The following TOB1 variants were observed in gnomAD, a reference collection of about 807,000 sequenced individuals.
TOB1 encodes protein Tob1.
A neutral mutation model predicts 22.9 loss-of-function variants in TOB1; 2 were observed. That is an observed-to-expected ratio of 0.09 (90% CI 0.04 to 0.28). The LOEUF (loss-of-function observed/expected upper bound fraction) is 0.28, where lower values mean the gene tolerates loss of function less well. TOB1 is among the 10% of genes least tolerant of loss of function. The pLI is 1.00. For missense variants in TOB1, 299 were observed against 420.5 expected (o/e 0.71, Z 2.53); for synonymous variants, 154 against 150.6 (o/e 1.02, Z -0.17).
At chr17:50,866,467 C>T (rs1325174716), upstream of TOB1, 1 of 152,300 alleles carries the variant, frequency 6.6e-6, no homozygotes, top group Non-Finnish European at 1.5e-5. Flanking sequence ...GCAGCCATTC[C>T]CCGCGCTCCC....
chr17:50,864,430 A>C (rs1270337715), intron 1 of TOB1, among the ~76,000 whole-genome samples: 2 of 152,188 alleles, frequency 1.3e-5, no homozygotes, highest in African/African-American at 4.8e-5. Context: ...GCTTTTAAAA[A>C]CCTGTTTCTG....
At chr17:50,864,911 A>T (rs1972273282) in intron 1 of TOB1, among the ~76,000 whole-genome samples, 1 of 152,234 alleles carries the variant, frequency 6.6e-6, no homozygotes, top group Non-Finnish European at 1.5e-5. Flanking sequence ...ACAAAAGCAA[A>T]GACACAAATT....
At position 50,863,123 on chromosome 17, in the gene TOB1, T is replaced by A; in HGVS notation, c.895A>T (p.Ser299Cys). ...MFPGDSPLNL[S>C]PLQYSNAFDV... Reference sequence around the variant, plus strand: ...AAGGCATTACTGTACTGGAGAGGACTGAGGTTAAGGGGGCTGTCACCTGGG... The same window carrying A: ...AAGGCATTACTGTACTGGAGAGGACAGAGGTTAAGGGGGCTGTCACCTGGG... Residue 299 changes from serine to cysteine, a missense_variant, in exon 2 of 2, where the codon AGT becomes TGT. Physicochemically the swap from Ser to Cys is moderately radical, Grantham distance 112. Coordinates refer to ENST00000499247, the MANE Select transcript of TOB1 (RefSeq NM_005749.4). 6.2e-7 allele frequency: 1 copy of A among 1,614,198 alleles called. No individual in the cohort carries two copies. Among genetic ancestry groups the A allele is most frequent in the South Asian group, 1.1e-5 (1 of 91,086 alleles).
At chr17:50,865,797 CCA>C (rs1972292977) in intron 1 of TOB1, among the ~76,000 whole-genome samples, 1 of 152,046 alleles carries the variant, frequency 6.6e-6, no homozygotes, top group African/African-American at 2.4e-5. Flanking sequence ...TCCGGGCACC[CCA>C]ACCCCCCAAT....
upstream of TOB1, chr17:50,866,441 A>T (rs1972310335): frequency 6.7e-6 from 1 of 149,986 alleles, no homozygotes; most frequent in African/African-American, 2.5e-5. Context: ...GCTCCGCGTC[A>T]CACAGCTCCG....
In TOB1 at chr17:50,863,819, C is replaced by G. The variant is rs1409847033; in HGVS notation, c.199G>C (p.Val67Leu). ...CTCTCTTTGGATGCTTGTTCAATCA[C>G]TGGGTCCACTTTCTCCCCTATGTGT... ...CIHIGEKVDP[V>L]IEQASKESGL... is the part of the protein sequence containing the mutation. Residue 67 changes from valine to leucine, a missense_variant, in exon 2 of 2, where the codon GTG (valine) becomes CTG (leucine). Physicochemically the swap from Val to Leu is conservative, Grantham distance 32 (BLOSUM62 1). Transcript: ENST00000499247. The G allele has an allele frequency of 1.2e-6, 2 of 1,614,152 alleles. No individual in the cohort carries two copies. The highest frequency in any genetic ancestry group is 1.7e-6 in the Non-Finnish European group (2 of 1,180,026).
chr17:50,864,166 TAAAAC>T lies in TOB1; in HGVS notation c.-146-8_-146-4del, dbSNP rs1248860841. ...CTTCACCTTGAGTGATCTTGTTCCT[TAAAAC>T]AAAAGCAAACATATCCAAATAAGAT... is the stretch of plus-strand genomic sequence containing the variant. On this transcript the variant is annotated splice_polypyrimidine_tract_variant and splice_region_variant and intron_variant, in intron 1 of 1. Transcript: ENST00000499247. 2.2e-6 allele frequency: 3 copies of T among 1,360,478 alleles called. No homozygotes were observed. The highest frequency in any genetic ancestry group is 2.8e-6 in the Non-Finnish European group (3 of 1,054,582). The allele number at this position is 1,360,478 out of a possible 1,614,324, so 84.3% of individuals were successfully genotyped here. A position where few individuals can be genotyped will look rare whatever the true frequency, so the allele number is the denominator to read the frequency against.
In TOB1 at chr17:50,863,976, C is replaced by A. The variant is rs750885548; in HGVS notation, c.42G>T (p.Ser14=). The A allele has an allele frequency of 9.0e-6, 14 of 1,555,596 alleles. 1 individual carries two copies. The highest frequency in any genetic ancestry group is 1.8e-4 in the Middle Eastern group (1 of 5,674). ...EIQVALNFII[S]YLYNKLPRRR... ...TCCTGGGAAGCTTATTGTACAAATA[C>A]GAAATAATAAAATTTAGTGCTACTT... is the stretch of plus-strand genomic sequence containing the variant. Residue 14 remains serine (S), a synonymous_variant, in exon 2 of 2, where the codon TCG becomes TCT. Coordinates refer to ENST00000499247, the MANE Select transcript of TOB1 (RefSeq NM_005749.4).
At chr17:50,865,491 T>C (rs1972283252) in intron 1 of TOB1, among the ~76,000 whole-genome samples, 1 of 151,366 alleles carries the variant, frequency 6.6e-6, no homozygotes, top group Non-Finnish European at 1.5e-5. Flanking sequence ...CAAGAGGAGG[T>C]GGAGGTGGAG....
Position 50,862,977 on chromosome 17 carries a change from T to C in TOB1, c.*3A>G. ...TTAACTTGTACGATACATTTTCTTT[T>C]TTTTAGTTAGCCATAACAGGCTGGA... On this transcript the variant is annotated 3_prime_UTR_variant, in exon 2 of 2. Transcript: ENST00000499247. 1 of 1,596,036 alleles carries C rather than the reference T, an allele frequency of 6.3e-7. No homozygotes were observed. The highest frequency in any genetic ancestry group is 8.5e-7 in the Non-Finnish European group (1 of 1,171,836).
rs1205620624 is a variant in TOB1 at position 50,863,799 on chromosome 17, T to G, written c.219A>C (p.Lys73Asn). The change falls in exon 2 of 2, where the codon AAA becomes AAC. Residue 73 changes from lysine (K) to asparagine (N), a missense_variant. Lys to Asn is a moderately conservative substitution (Grantham distance 94, BLOSUM62 0). Transcript: ENST00000499247. ...KVDPVIEQAS[K>N]ESGLDIDDVR... ...CATCATCAATGTCCAAACCACTCTC[T>G]TTGGATGCTTGTTCAATCACTGGGT... The G allele has an allele frequency of 6.2e-7, 1 of 1,614,102 alleles. No homozygotes were observed.
rs56106159 is a variant in TOB1 at position 50,862,895 on chromosome 17, TA to T, written c.*84del. ...CTTGAATGTATCCTTACTATAAGCT[TA>T]AAAAAAAAAATTCTCAAGGAGGTGA... On this transcript the variant is annotated 3_prime_UTR_variant, in exon 2 of 2. Transcript: ENST00000499247. The T allele has an allele frequency of 0.064, 66,879 of 1,048,384 alleles. 985 individuals carry two copies. Among genetic ancestry groups the T allele is most frequent in the South Asian group, 0.18 (9,197 of 51,584 alleles). The allele number at this position is 1,048,384 out of a possible 1,614,324, so 64.9% of individuals were successfully genotyped here. A position where few individuals can be genotyped will look rare whatever the true frequency, so the allele number is the denominator to read the frequency against.
chr17:50,863,308 T>C lies in TOB1; in HGVS notation c.710A>G (p.Gln237Arg), dbSNP rs943593214. 2.5e-6 allele frequency: 4 copies of C among 1,613,966 alleles called. No homozygotes were observed. Among genetic ancestry groups the C allele is most frequent in the African/African-American group, 2.7e-5 (2 of 74,918 alleles). ...HSLYGLGLGSQQQPQQQQQPA... is the reference protein window; with the variant it reads ...HSLYGLGLGSRQQPQQQQQPA... ...CTGCTGCTGTTGCTGTGGCTGCTGC[T>C]GGCTACCCAAGCCAAGCCCATACAG... The change falls in exon 2 of 2, where the codon CAG becomes CGG. Residue 237 changes from glutamine (Q) to arginine (R), a missense_variant. Gln to Arg is a conservative substitution (Grantham distance 43). Coordinates refer to ENST00000499247, the MANE Select transcript of TOB1 (RefSeq NM_005749.4).
At position 50,863,784 on chromosome 17, in the gene TOB1, G is replaced by T; in HGVS notation, c.234C>A (p.Asp78Glu). 1 of 1,614,032 alleles carries T rather than the reference G, an allele frequency of 6.2e-7. No individual in the cohort carries two copies. Among genetic ancestry groups the T allele is most frequent in the Non-Finnish European group, 8.5e-7 (1 of 1,180,020 alleles). ...GCAGATTGCCACGAACATCATCAAT[G>T]TCCAAACCACTCTCTTTGGATGCTT... is the stretch of plus-strand genomic sequence containing the variant. ...IEQASKESGLDIDDVRGNLPQ... is the reference protein window; with the variant it reads ...IEQASKESGLEIDDVRGNLPQ... Residue 78 changes from aspartate to glutamate, a missense_variant, in exon 2 of 2, where the codon GAC (aspartate) becomes GAA (glutamate). By Grantham distance (45) the Asp-to-Glu change is conservative. Transcript: ENST00000499247.
In TOB1 at chr17:50,864,055, CCAA is replaced by C; in HGVS notation, c.-41_-39del. On this transcript the variant is annotated 5_prime_UTR_variant, in exon 2 of 2. Coordinates refer to ENST00000499247, the MANE Select transcript of TOB1 (RefSeq NM_005749.4). The stretch of plus-strand genomic sequence containing the variant: ...ACAAAATTAGGTTTCAACTCCCCCA[CCAA>C]AAAAAAAAAAAAAAAAAAAAGATGT... 19 of 679,580 alleles carry C rather than the reference CCAA, an allele frequency of 2.8e-5. No homozygotes were observed. In the Admixed American group the frequency reaches 2.9e-4, roughly 10 times the overall value. The allele number at this position is 679,580 out of a possible 1,614,324, so 42.1% of individuals were successfully genotyped here. A position where few individuals can be genotyped will look rare whatever the true frequency, so the allele number is the denominator to read the frequency against.
chr17:50,863,296 T>C lies in TOB1; in HGVS notation c.722A>G (p.Gln241Arg). ...CGGCTGGGCTGGCTGCTGCTGTTGCTGTGGCTGCTGCTGGCTACCCAAGCC... is the reference window on the plus strand; with the variant it reads ...CGGCTGGGCTGGCTGCTGCTGTTGCCGTGGCTGCTGCTGGCTACCCAAGCC... ...GLGLGSQQQP[Q>R]QQQQPAQPPP... is the part of the protein sequence containing the mutation. The change falls in exon 2 of 2, where the codon CAG becomes CGG. Residue 241 changes from glutamine to arginine, a missense_variant. Transcript: ENST00000499247. 1 of 1,613,622 alleles carries C rather than the reference T, an allele frequency of 6.2e-7. No homozygotes were observed. Among genetic ancestry groups the C allele is most frequent in the South Asian group, 1.1e-5 (1 of 91,066 alleles).
rs748306644 is a variant in TOB1 at position 50,863,248 on chromosome 17, T to TGTGGTGGTG, written c.761_769dup (p.Pro254_Pro256dup). 1.9e-6 allele frequency: 3 copies of TGTGGTGGTG among 1,613,966 alleles called. No homozygotes were observed. Among genetic ancestry groups the TGTGGTGGTG allele is most frequent in the Admixed American group, 1.7e-5 (1 of 59,990 alleles). On this transcript the variant is annotated inframe_insertion, in exon 2 of 2. Coordinates refer to ENST00000499247, the MANE Select transcript of TOB1 (RefSeq NM_005749.4). ...AGAGGTTTTCTGCTGTTGTTGCTGC[T>TGTGGTGGTG]GTGGTGGTGGTGGTGGCGGTGGCGG... is the stretch of plus-strand genomic sequence containing the variant.
Position 50,863,409 on chromosome 17 carries a change from A to C in TOB1, c.609T>G (p.Arg203=). 6.2e-7 allele frequency: 1 copy of C among 1,614,180 alleles called. No homozygotes were observed. Among genetic ancestry groups the C allele is most frequent in the Non-Finnish European group, 8.5e-7 (1 of 1,180,040 alleles). ...TCAAGCCGAGGTTGATGGGAGAAGT[A>C]CGTGCAACCTTGTTGCTACGGCCAC... is the stretch of plus-strand genomic sequence containing the variant. The part of the protein sequence containing the change: ...KNSGRSNKVA[R]TSPINLGLNV... The change falls in exon 2 of 2, where the codon CGT becomes CGG. Residue 203 remains arginine, a synonymous_variant. Transcript: ENST00000499247.
rs2143335809 is a variant in TOB1, at chr17:50,862,809, CTT to C, written c.*169_*170del. ...AAAATATACAGTCAGTATAAAATAA[CTT>C]TGTGCTTGGTTGGCAAATGAAAAAT... On this transcript the variant is annotated 3_prime_UTR_variant, in exon 2 of 2. Transcript: ENST00000499247. The C allele has an allele frequency of 1.1e-6, 1 of 933,436 alleles. No homozygotes were observed. Among genetic ancestry groups the C allele is most frequent in the East Asian group, 2.8e-5 (1 of 35,578 alleles). The allele number at this position is 933,436 out of a possible 1,614,324, so 57.8% of individuals were successfully genotyped here.
Sources: gnomAD v4.1 joint callset for allele counts (sites outside exome capture counted in the v4.1 genomes callset) on GRCh38, gnomAD v4.1.1 for gene constraint, MANE v1.5 for transcripts, NCBI Gene and HGNC (gene_info 2026-07-23, HGNC 2026-07-21) for gene names.